HCN1: variants seen among roughly 807,000 people sequenced by gnomAD.
The protein encoded by HCN1 is potassium/sodium hyperpolarization-activated cyclic nucleotide-gated channel 1.
Under a neutral mutation model 78.9 loss-of-function variants are expected in HCN1, and 13 were observed. The ratio of observed to expected loss-of-function variants is 0.16; its 90% confidence interval spans 0.11 to 0.26. The LOEUF (loss-of-function observed/expected upper bound fraction) is 0.26, where lower values mean the gene tolerates loss of function less well. Among genes scored for constraint, HCN1 ranks in the 10% least tolerant of loss-of-function variants. HCN1 has a pLI of 1.00. For synonymous variants in HCN1, 552 were observed against 455.5 expected, an observed-to-expected ratio of 1.21 and a Z score of -2.70; for missense variants, 810 against 1,154.3, an observed-to-expected ratio of 0.70 and a Z score of 4.32.
intron 4 of HCN1, among the ~76,000 whole-genome samples, chr5:45,378,671 G>T (rs530900930): frequency 1.3e-5 from 2 of 152,006 alleles, no homozygotes; most frequent in African/African-American, 4.8e-5. Context: ...TGTGCACAAC[G>T]TGCAGGTTTG....
chr5:45,304,017 T>C (rs1273354568), intron 5 of HCN1, among the ~76,000 whole-genome samples, 178 bp from the exon 6 acceptor site: 1 of 152,176 alleles, frequency 6.6e-6, no homozygotes, highest in African/African-American at 2.4e-5. Flanking sequence ...TATTTTTATG[T>C]TGAAATTTTT....
Position 45,653,290 on chromosome 5 carries a change from T to C in HCN1, c.426-7682A>G, listed in dbSNP as rs114100894. On this transcript the variant is annotated intron_variant, in intron 1 of 7. Coordinates refer to ENST00000303230, the MANE Select transcript of HCN1 (RefSeq NM_021072.4). ...CCCTTTCACCTGATCTCTATCCCAG[T>C]TGGAGTTGATCTCCTCTTGTCCCAA... is the stretch of plus-strand genomic sequence containing the variant. Among the ~76,000 whole-genome samples the C allele has an allele frequency of 5.2e-3, 786 of 152,226 alleles. 9 individuals are homozygous for C. The highest frequency in any genetic ancestry group is 0.017 in the African/African-American group (701 of 41,550).
chr5:45,462,407 A>G (rs1741180525), intron 2 of HCN1, among the ~76,000 whole-genome samples: 1 of 152,136 alleles, frequency 6.6e-6, no homozygotes, highest in South Asian at 2.1e-4. Flanking sequence ...AGATTTGTTG[A>G]AAGACAAAGA....
At chr5:45,349,209 A>G (rs1746829099) in intron 5 of HCN1, among the ~76,000 whole-genome samples, 1 of 152,226 alleles carries the variant, frequency 6.6e-6, no homozygotes, top group Non-Finnish European at 1.5e-5. Context: ...AGAACTCAGG[A>G]TTAAGAAACT....
intron 2 of HCN1, among the ~76,000 whole-genome samples, chr5:45,477,930 G>GA (rs1259903722): frequency 2.0e-5 from 3 of 151,914 alleles, no homozygotes; most frequent in African/African-American, 7.3e-5. Flanking sequence ...TGAGAACGCA[G>GA]AAAAAAAGAC....
intron 1 of HCN1, among the ~76,000 whole-genome samples, chr5:45,678,990 G>A (rs1326848639): frequency 6.6e-6 from 1 of 151,914 alleles, no homozygotes; most frequent in Admixed American, 6.6e-5. Flanking sequence ...TCCCACTGGA[G>A]AATATCACCT....
chr5:45,447,293 G>A (rs1036879879), intron 3 of HCN1, among the ~76,000 whole-genome samples: 2 of 152,138 alleles, frequency 1.3e-5, no homozygotes, highest in African/African-American at 4.8e-5. Flanking sequence ...AGGGTGAAAT[G>A]ATGCAGTGGT....
chr5:45,268,672 T>C (rs1445608461), intron 6 of HCN1, among the ~76,000 whole-genome samples: 1 of 152,202 alleles, frequency 6.6e-6, no homozygotes, highest in African/African-American at 2.4e-5. Context: ...TTAGGAAATG[T>C]CACCTAAACC....
intron 5 of HCN1, among the ~76,000 whole-genome samples, chr5:45,344,192 AACTC>A (rs1746648615): frequency 2.0e-5 from 3 of 152,196 alleles, no homozygotes; most frequent in South Asian, 4.1e-4. Flanking sequence ...ATCTTGGGAG[AACTC>A]ACTCACTATC....
At chr5:45,608,100 G>A (rs1744759060) in intron 2 of HCN1, among the ~76,000 whole-genome samples, 1 of 151,652 alleles carries the variant, frequency 6.6e-6, no homozygotes, top group Non-Finnish European at 1.5e-5. Context: ...AGAAGTGAAA[G>A]TTAAAATAAG....
chr5:45,460,447 A>G (rs1741123093), intron 3 of HCN1, among the ~76,000 whole-genome samples: 1 of 152,126 alleles, frequency 6.6e-6, no homozygotes, highest in South Asian at 2.1e-4. Flanking sequence ...AGTCCATAGT[A>G]TTCTATTATA....
rs115020952 is a variant in HCN1, at chr5:45,686,943, T to C, written c.425+8726A>G. 5.7e-3 allele frequency among the ~76,000 whole-genome samples: 875 copies of C among 152,268 alleles called. 13 individuals carry two copies. The highest frequency in any genetic ancestry group is 0.02 in the African/African-American group (840 of 41,550). ...TCATGTTGTTTGGTGTAATTTCTTG[T>C]TTTGCAGGAACATGTCATCTAATAA... On this transcript the variant is annotated intron_variant, in intron 1 of 7. Coordinates refer to ENST00000303230, the MANE Select transcript of HCN1 (RefSeq NM_021072.4).
chr5:45,270,103 C>T lies in HCN1; in HGVS notation c.1619-2850G>A, dbSNP rs16902079. Among the ~76,000 whole-genome samples the T allele has an allele frequency of 4.6e-3, 700 of 152,314 alleles. 3 individuals carry two copies. Among genetic ancestry groups the T allele is most frequent in the African/African-American group, 0.016 (672 of 41,556 alleles). On this transcript the variant is annotated intron_variant, in intron 6 of 7. Coordinates refer to ENST00000303230, the MANE Select transcript of HCN1 (RefSeq NM_021072.4). ...ATGCCAAGGCACTGTGCCCATAATA[C>T]TTTTGTTTTCCTTGGCCTTCTTCTC...
chr5:45,315,140 C>T (rs1374784026), intron 5 of HCN1, among the ~76,000 whole-genome samples: 1 of 152,168 alleles, frequency 6.6e-6, no homozygotes, highest in Admixed American at 6.5e-5. Context: ...CACACTTATT[C>T]CAAAATTGAC....
At chr5:45,578,365 T>C (rs1359147564) in intron 2 of HCN1, among the ~76,000 whole-genome samples, 1 of 151,944 alleles carries the variant, frequency 6.6e-6, no homozygotes, top group Non-Finnish European at 1.5e-5. Context: ...GGCTTGACAG[T>C]GAAATATGTG....
chr5:45,308,619 T>C (rs767175820), intron 5 of HCN1, among the ~76,000 whole-genome samples: 7 of 152,098 alleles, frequency 4.6e-5, no homozygotes, highest in Non-Finnish European at 2.9e-5. Context: ...AGAAGACAAA[T>C]TGTATATATA....
At chr5:45,404,489 C>A (rs924860523) in intron 3 of HCN1, among the ~76,000 whole-genome samples, 1 of 125,258 alleles carries the variant, frequency 8.0e-6, no homozygotes, top group South Asian at 2.6e-4. Flanking sequence ...TTAGGCATCA[C>A]TGAAAATAAT....
At chr5:45,314,863 A>T (rs1579803436) in intron 5 of HCN1, among the ~76,000 whole-genome samples, 2 of 152,214 alleles carry the variant, frequency 1.3e-5, no homozygotes, top group East Asian at 3.9e-4. Context: ...AGAAGAGCTA[A>T]CTATCCTAAA....
intron 6 of HCN1, among the ~76,000 whole-genome samples, chr5:45,280,642 T>A (rs2111867484): frequency 6.6e-6 from 1 of 152,222 alleles, no homozygotes; most frequent in East Asian, 1.9e-4. Flanking sequence ...CCTATCTTCA[T>A]AAACTCTGCT....
Sources: gnomAD v4.1 joint callset for allele counts (sites outside exome capture counted in the v4.1 genomes callset) on GRCh38, gnomAD v4.1.1 for gene constraint, MANE v1.5 for transcripts, NCBI Gene and HGNC (gene_info 2026-07-23, HGNC 2026-07-21) for gene names.